The following MTUS2 variants were observed in gnomAD, a reference collection of about 807,000 sequenced individuals.
MTUS2 encodes the protein microtubule associated scaffold protein 2.
MTUS2 carries 40 observed loss-of-function variants against 114.1 expected under a neutral mutation model. The observed-to-expected ratio is 0.35, with a 90% CI of 0.27 to 0.46. The LOEUF is 0.46. Among genes scored for constraint, MTUS2 ranks in the 20% least tolerant of loss-of-function variants. MTUS2 has a pLI of 1.00. For synonymous variants in MTUS2, 688 were observed against 672.0 expected, an observed-to-expected ratio of 1.02 and a Z score of -0.37; for missense variants, 1,679 against 1,705.4, an observed-to-expected ratio of 0.98 and a Z score of 0.27.
At chr13:29,142,671 A>T (rs553628641) in intron 5 of MTUS2, among the ~76,000 whole-genome samples, 1 of 152,268 alleles carries the variant, frequency 6.6e-6, no homozygotes, top group African/African-American at 2.4e-5. Flanking sequence ...GTGCCACTGT[A>T]CTCCAGCCTG....
intron 2 of MTUS2, among the ~76,000 whole-genome samples, chr13:28,897,755 A>G (rs1879369088): frequency 6.6e-6 from 1 of 152,130 alleles, no homozygotes; most frequent in South Asian, 2.1e-4. Flanking sequence ...CTTTGTAGGG[A>G]CATGGATGAA....
intron 5 of MTUS2, among the ~76,000 whole-genome samples, chr13:29,234,134 G>A (rs1435064587): frequency 2.6e-5 from 4 of 152,068 alleles, no homozygotes; most frequent in African/African-American, 7.2e-5. Flanking sequence ...ATGATAATAT[G>A]GTTTTATAAT....
intron 8 of MTUS2, among the ~76,000 whole-genome samples, chr13:29,395,800 G>A (rs137937119): frequency 6.6e-6 from 1 of 152,146 alleles, no homozygotes; most frequent in Non-Finnish European, 1.5e-5. Flanking sequence ...TATTCATTAT[G>A]CTAGGGGCAC....
At chr13:29,331,055 T>G (rs112168056) in intron 7 of MTUS2, among the ~76,000 whole-genome samples, 11,477 of 152,238 alleles carry the variant, frequency 0.075, 1,368 homozygotes, top group African/African-American at 0.25. Context: ...ATACTGATTC[T>G]TTCTGTCCAT....
At chr13:29,441,333 C>T (rs146795958) in intron 9 of MTUS2, among the ~76,000 whole-genome samples, 15 of 152,262 alleles carry the variant, frequency 9.9e-5, no homozygotes, top group South Asian at 2.1e-4. Flanking sequence ...GAAAGAGGAG[C>T]GGGAGGGGAG....
chr13:29,042,849 T>G (rs1384439123), intron 4 of MTUS2, among the ~76,000 whole-genome samples: 2 of 152,140 alleles, frequency 1.3e-5, no homozygotes, highest in Non-Finnish European at 2.9e-5. Context: ...TATTTGGATC[T>G]TCCCTCCTCT....
At chr13:28,906,991 G>T (rs1880065401) in intron 2 of MTUS2, among the ~76,000 whole-genome samples, 1 of 151,460 alleles carries the variant, frequency 6.6e-6, no homozygotes, top group African/African-American at 2.4e-5. Flanking sequence ...AATGTTAAGG[G>T]CAGCCAGAGA....
intron 8 of MTUS2, among the ~76,000 whole-genome samples, chr13:29,379,417 A>G (rs1177664307): frequency 6.6e-6 from 1 of 152,170 alleles, no homozygotes; most frequent in African/African-American, 2.4e-5. Flanking sequence ...GGTCAGAACA[A>G]GATGGGACAG....
At chr13:29,471,412 T>G (rs2138843409) in intron 9 of MTUS2, among the ~76,000 whole-genome samples, 1 of 152,332 alleles carries the variant, frequency 6.6e-6, no homozygotes, top group Admixed American at 6.5e-5. Context: ...TTGCCCGCCA[T>G]GACAGCATCT....
chr13:29,148,968 T>C (rs1381359143), intron 5 of MTUS2, among the ~76,000 whole-genome samples: 1 of 152,224 alleles, frequency 6.6e-6, no homozygotes, highest in South Asian at 2.1e-4. Context: ...GTCTTTGCTA[T>C]TTTGAATAAT....
chr13:29,210,749 G>A (rs1167550857), intron 5 of MTUS2, among the ~76,000 whole-genome samples: 3 of 152,184 alleles, frequency 2.0e-5, no homozygotes, highest in African/African-American at 7.2e-5. Flanking sequence ...GTACTAGGGA[G>A]TTTCTGCAAA....
At position 29,038,196 on chromosome 13, in the gene MTUS2, C is replaced by A. The variant is rs544575170; in HGVS notation, c.2446+4071C>A. ...TGTTGGTGATCTTCAGATGGGACAT[C>A]TTTTTTGTTGATGTTGATGTTACTG... On this transcript the variant is annotated intron_variant, in intron 4 of 15. Transcript: ENST00000612955. Among the ~76,000 whole-genome samples, 24 of 152,288 alleles carry A rather than the reference C, an allele frequency of 1.6e-4. No individual in the cohort carries two copies. In the East Asian group the frequency reaches 4.6e-3, roughly 29 times the overall value.
chr13:29,010,988 C>T (rs1039101290), intron 2 of MTUS2, among the ~76,000 whole-genome samples: 5 of 152,064 alleles, frequency 3.3e-5, no homozygotes, highest in Admixed American at 6.5e-5. Context: ...AGAGAGGACG[C>T]GTTAGCATCA....
intron 8 of MTUS2, among the ~76,000 whole-genome samples, chr13:29,377,416 C>CA (rs1432122974): frequency 6.6e-6 from 1 of 151,902 alleles, no homozygotes; most frequent in African/African-American, 2.4e-5. Flanking sequence ...CTTTGTTGTA[C>CA]AAAAAAGATT....
rs1886536362 is a variant in MTUS2, at chr13:29,026,202, G to A, written c.1504G>A (p.Val502Ile). 6.2e-7 allele frequency: 1 copy of A among 1,613,858 alleles called. No individual in the cohort carries two copies. Among genetic ancestry groups the A allele is most frequent in the African/African-American group, 1.3e-5 (1 of 74,910 alleles). The change falls in exon 3 of 16, where the codon GTC (valine) becomes ATC (isoleucine). Residue 502 changes from valine to isoleucine, a missense_variant. Val to Ile is a conservative substitution (Grantham distance 29). Coordinates refer to ENST00000612955, the MANE Select transcript of MTUS2 (RefSeq NM_001033602.4). Reference protein sequence around the residue: ...GRSEARESKEVTTSVAENRNL... With the variant: ...GRSEARESKEITTSVAENRNL... ...CTCAGAAGCACGGGAAAGCAAAGAG[G>A]TCACCACATCTGTTGCTGAAAACAG... is the stretch of plus-strand genomic sequence containing the variant.
intron 4 of MTUS2, among the ~76,000 whole-genome samples, chr13:29,058,431 G>T (rs1163244393): frequency 6.6e-6 from 1 of 151,480 alleles, no homozygotes; most frequent in Non-Finnish European, 1.5e-5. Flanking sequence ...TATAGATTTG[G>T]TCTCTTTACA....
At chr13:29,361,459 G>T (rs1311090261) in intron 8 of MTUS2, among the ~76,000 whole-genome samples, 15 of 150,360 alleles carry the variant, frequency 1.0e-4, no homozygotes, top group African/African-American at 3.7e-4. Context: ...AAGATAAAAT[G>T]TTTTTTTTTT....
Position 29,389,562 on chromosome 13 carries a change from T to C in MTUS2, c.3117+30089T>C, listed in dbSNP as rs1437364934. ...GTGTGTATATGTATACACGTGTGTA[T>C]ATGTGTACATATGTGTGTATACGTA... On this transcript the variant is annotated intron_variant, in intron 8 of 15. Coordinates refer to ENST00000612955, the MANE Select transcript of MTUS2 (RefSeq NM_001033602.4). Among the ~76,000 whole-genome samples the C allele has an allele frequency of 2.6e-3, 151 of 57,438 alleles. 14 individuals carry two copies. In the East Asian group the frequency reaches 0.083, roughly 31 times the overall value. 37.7% of individuals were successfully genotyped at this position (57,438 alleles called of 152,430 possible). A position where few individuals can be genotyped will look rare whatever the true frequency, so the allele number is the denominator to read the frequency against.
intron 5 of MTUS2, among the ~76,000 whole-genome samples, chr13:29,281,419 C>A (rs895111744): frequency 4.1e-5 from 6 of 146,548 alleles, no homozygotes; most frequent in Admixed American, 6.9e-5. Context: ...GTATGTATGT[C>A]TGTGTGTGTG....
Sources: gnomAD v4.1 joint callset for allele counts (sites outside exome capture counted in the v4.1 genomes callset) on GRCh38, gnomAD v4.1.1 for gene constraint, MANE v1.5 for transcripts, NCBI Gene and HGNC (gene_info 2026-07-23, HGNC 2026-07-21) for gene names.